Variants in NELL1 observed in about 807,000 individuals in gnomAD.
The protein encoded by NELL1 is protein kinase C-binding protein NELL1.
Under a neutral mutation model 107.4 loss-of-function variants are expected in NELL1, and 76 were observed. That is an observed-to-expected ratio of 0.71 (90% CI 0.59 to 0.86). The LOEUF is 0.86. NELL1 is among the 40% of genes least tolerant of loss of function. The pLI is 0.00. For missense variants in NELL1, 1,024 were observed against 1,005.5 expected (o/e 1.02, Z -0.25); for synonymous variants, 353 against 341.2 (o/e 1.03, Z -0.38).
intron 2 of NELL1, among the ~76,000 whole-genome samples, chr11:20,756,619 C>T (rs1025707540): frequency 1.3e-5 from 2 of 150,292 alleles, no homozygotes; most frequent in Admixed American, 1.3e-4. Flanking sequence ...CCTTGGCCTC[C>T]GAAAGTGCTG....
intron 15 of NELL1, among the ~76,000 whole-genome samples, chr11:21,408,089 A>C (rs1415527217): frequency 1.3e-5 from 2 of 151,902 alleles, no homozygotes; most frequent in African/African-American, 4.8e-5. Context: ...TATTGTGCTC[A>C]TGGAGAGCAG....
chr11:21,133,611 C>A (rs1340322745), intron 13 of NELL1, among the ~76,000 whole-genome samples: 2 of 152,166 alleles, frequency 1.3e-5, no homozygotes, highest in Non-Finnish European at 2.9e-5. Context: ...GTCAGTGCTG[C>A]CCTGAGCCCT....
chr11:21,563,262 G>A (rs909676028), intron 17 of NELL1, among the ~76,000 whole-genome samples: 1 of 152,014 alleles, frequency 6.6e-6, no homozygotes, highest in Admixed American at 6.6e-5. Context: ...TTTATTTTCA[G>A]CCTGTGCTAC....
At chr11:21,179,029 T>A (rs1310141067) in intron 13 of NELL1, among the ~76,000 whole-genome samples, 1 of 151,700 alleles carries the variant, frequency 6.6e-6, no homozygotes, top group Non-Finnish European at 1.5e-5. Flanking sequence ...TTAAAAAACT[T>A]TTTCGAATGA....
rs1190371986 is a variant in NELL1, at chr11:21,047,661, C to T, written c.1301-65928C>T. 3.3e-5 allele frequency among the ~76,000 whole-genome samples: 5 copies of T among 152,058 alleles called. No homozygotes were observed. The South Asian group carries it at 6.2e-4, about 19-fold the overall frequency. On this transcript the variant is annotated intron_variant, in intron 12 of 19. Transcript: ENST00000357134. ...CTTGGAGCTATCTTTCTGATTCTTTCGTGTTATTGTATTAGGTTTTAGTAC... is the reference window on the plus strand; with the variant it reads ...CTTGGAGCTATCTTTCTGATTCTTTTGTGTTATTGTATTAGGTTTTAGTAC...
intron 12 of NELL1, among the ~76,000 whole-genome samples, chr11:21,108,369 C>T: frequency 6.6e-6 from 1 of 152,132 alleles, no homozygotes; most frequent in East Asian, 1.9e-4. Context: ...TATGCCACAT[C>T]AAGTTTCATT....
At chr11:21,135,948 G>T (rs1855736117) in intron 13 of NELL1, among the ~76,000 whole-genome samples, 1 of 152,088 alleles carries the variant, frequency 6.6e-6, no homozygotes, top group South Asian at 2.1e-4. Context: ...CCCAGGATTT[G>T]GTCTCTGCCA....
At chr11:20,698,204 G>A (rs751081132) in intron 2 of NELL1, among the ~76,000 whole-genome samples, 14 of 152,188 alleles carry the variant, frequency 9.2e-5, no homozygotes, top group African/African-American at 1.4e-4. Context: ...CAAGCTAGCC[G>A]TGAGAGTGGA....
chr11:21,302,110 G>A (rs1014358381), intron 14 of NELL1, among the ~76,000 whole-genome samples: 2 of 151,962 alleles, frequency 1.3e-5, no homozygotes, highest in Non-Finnish European at 2.9e-5. Flanking sequence ...AAAGTGTTGT[G>A]GCTTTAAACA....
rs144548230 is a variant in NELL1 at position 21,138,495 on chromosome 11, T to C, written c.1426+24781T>C. Among the ~76,000 whole-genome samples, 395 of 152,268 alleles carry C rather than the reference T, an allele frequency of 2.6e-3. 2 individuals are homozygous for C. Among genetic ancestry groups the C allele is most frequent in the African/African-American group, 9.0e-3 (375 of 41,554 alleles). ...AACACATGGTTTGTTTTGACCTAAA[T>C]ATTGTTTTGGGTGCAGAGCCTGTTG... On this transcript the variant is annotated intron_variant, in intron 13 of 19. Transcript: ENST00000357134.
At chr11:20,735,523 C>T (rs1187861419) in intron 2 of NELL1, among the ~76,000 whole-genome samples, 1 of 152,142 alleles carries the variant, frequency 6.6e-6, no homozygotes, top group Non-Finnish European at 1.5e-5. Context: ...TAACTGCCCG[C>T]ATGATTAAAT....
At chr11:21,275,432 C>G (rs1013645651) in intron 14 of NELL1, among the ~76,000 whole-genome samples, 3 of 152,110 alleles carry the variant, frequency 2.0e-5, no homozygotes, top group Non-Finnish European at 4.4e-5. Flanking sequence ...AAAAAAAGTC[C>G]AGGACCAGAT....
intron 4 of NELL1, among the ~76,000 whole-genome samples, chr11:20,878,176 C>A (rs943757466): frequency 2.0e-5 from 3 of 151,652 alleles, no homozygotes; most frequent in African/African-American, 7.3e-5. Context: ...CTGGCTAACA[C>A]GGTGAAAACC....
At chr11:20,821,548 T>A (rs537056632) in intron 3 of NELL1, among the ~76,000 whole-genome samples, 1 of 152,308 alleles carries the variant, frequency 6.6e-6, no homozygotes, top group Admixed American at 6.5e-5. Context: ...TGTAGGGTAA[T>A]AATGTCCATC....
intron 14 of NELL1, among the ~76,000 whole-genome samples, chr11:21,265,150 T>A (rs180808475): frequency 7.0e-4 from 106 of 152,180 alleles, no homozygotes; most frequent in African/African-American, 2.4e-3. Context: ...TAACTTTTGC[T>A]GCTTAAACAT....
intron 4 of NELL1, among the ~76,000 whole-genome samples, chr11:20,851,634 C>T (rs965184629): frequency 1.3e-5 from 2 of 152,208 alleles, no homozygotes; most frequent in Non-Finnish European, 2.9e-5. Flanking sequence ...CAACCTTTCC[C>T]TTTCACAACA....
chr11:20,994,972 C>T (rs961099352), intron 12 of NELL1, among the ~76,000 whole-genome samples: 3 of 152,148 alleles, frequency 2.0e-5, no homozygotes, highest in East Asian at 3.8e-4. Flanking sequence ...TTCATATTTC[C>T]ACCACCCTCA....
intron 12 of NELL1, among the ~76,000 whole-genome samples, chr11:20,976,175 CAT>C (rs1258306048): frequency 6.9e-6 from 1 of 145,212 alleles, no homozygotes; most frequent in Non-Finnish European, 1.5e-5. Context: ...TATATCTGTA[CAT>C]ATATATGTTT....
chr11:20,981,800 T>C lies in NELL1; in HGVS notation c.1300+21240T>C, dbSNP rs771122821. On this transcript the variant is annotated intron_variant, in intron 12 of 19. Transcript: ENST00000357134. ...TTGTGCTGATCAGGATTCTTTGATA[T>C]GCAAATGGTAGAAAATCAAATTCAA... 1.7e-3 allele frequency among the ~76,000 whole-genome samples: 254 copies of C among 152,160 alleles called. 1 individual carries two copies. Among genetic ancestry groups the C allele is most frequent in the Non-Finnish European group, 2.8e-3 (192 of 68,024 alleles).
Sources: gnomAD v4.1 joint callset for allele counts (sites outside exome capture counted in the v4.1 genomes callset) on GRCh38, gnomAD v4.1.1 for gene constraint, MANE v1.5 for transcripts, NCBI Gene and HGNC (gene_info 2026-07-23, HGNC 2026-07-21) for gene names.